The following ABCD2 variants were observed in gnomAD, a reference collection of about 807,000 sequenced individuals.
ABCD2 encodes the protein ATP binding cassette subfamily D member 2.
A neutral mutation model predicts 70.9 loss-of-function variants in ABCD2; 36 were observed. The observed-to-expected ratio is 0.51, with a 90% CI of 0.39 to 0.67. The LOEUF is 0.67. Ranked by LOEUF, ABCD2 falls within the 30% of genes least tolerant of loss-of-function variation. The probability of loss-of-function intolerance (pLI) is 0.00; values close to 1 mark genes in which losing one functional copy is unlikely to be tolerated. For missense variants in ABCD2, 729 were observed against 890.2 expected (o/e 0.82, Z 2.30); for synonymous variants, 304 against 306.9 (o/e 0.99, Z 0.10).
intron 9 of ABCD2, among the ~76,000 whole-genome samples, chr12:39,562,828 A>G (rs1220115316): frequency 7.2e-5 from 11 of 152,172 alleles, no homozygotes; most frequent in Admixed American, 7.2e-4. Flanking sequence ...CATTACCCTG[A>G]TACTGAAACC....
At chr12:39,614,928 A>C (rs1942095885) in intron 2 of ABCD2, among the ~76,000 whole-genome samples, 1 of 152,070 alleles carries the variant, frequency 6.6e-6, no homozygotes, top group African/African-American at 2.4e-5. Context: ...TTTTCTCTAT[A>C]TAAAAATTTT....
intron 8 of ABCD2, 87 bp downstream of exon 8, chr12:39,579,448 A>C: frequency 2.3e-6 from 2 of 888,046 alleles, no homozygotes; most frequent in Non-Finnish European, 3.6e-6. Context: ...GAAGACGATA[A>C]ATCCTGTCCA....
At chr12:39,566,616 G>A (rs995156675) in intron 9 of ABCD2, among the ~76,000 whole-genome samples, 2 of 151,930 alleles carry the variant, frequency 1.3e-5, no homozygotes, top group African/African-American at 4.8e-5. Flanking sequence ...AAGGTTTTTT[G>A]TGTCTCTATT....
chr12:39,534,807 A>AAAG, the ABCD2 span, among the ~76,000 whole-genome samples: 7 of 135,864 alleles, frequency 5.2e-5, no homozygotes, highest in East Asian at 2.2e-4. Context: ...AGAAAGAAAG[A>AAAG]AAAGAAAGGA....
intron 6 of ABCD2, among the ~76,000 whole-genome samples, chr12:39,589,101 A>G (rs1486913437): frequency 6.6e-6 from 1 of 152,160 alleles, no homozygotes; most frequent in Non-Finnish European, 1.5e-5. Context: ...CTGCAACTTG[A>G]TTAAAAAATA....
intron 9 of ABCD2, among the ~76,000 whole-genome samples, chr12:39,564,994 G>A (rs1256600391): frequency 6.6e-6 from 1 of 152,172 alleles, no homozygotes; most frequent in Non-Finnish European, 1.5e-5. Context: ...CTATATCTCT[G>A]TTTTGGTACT....
chr12:39,567,812 G>T (rs1322861516), intron 9 of ABCD2, among the ~76,000 whole-genome samples: 1 of 152,156 alleles, frequency 6.6e-6, no homozygotes, highest in African/African-American at 2.4e-5. Flanking sequence ...CTCTTTTAGG[G>T]CAGGCCTAGT....
At chr12:39,572,811 G>A (rs1369936591) in intron 9 of ABCD2, among the ~76,000 whole-genome samples, 1 of 152,140 alleles carries the variant, frequency 6.6e-6, no homozygotes, top group Non-Finnish European at 1.5e-5. Context: ...GGAATCCTGT[G>A]CAGTCCTTTA....
At chr12:39,612,252 A>G (rs181830674) in intron 2 of ABCD2, among the ~76,000 whole-genome samples, 1 of 152,334 alleles carries the variant, frequency 6.6e-6, no homozygotes, top group East Asian at 1.9e-4. Flanking sequence ...ATGTATATAC[A>G]TACACCAAAA....
At chr12:39,564,572 T>G (rs1377926097) in intron 9 of ABCD2, among the ~76,000 whole-genome samples, 1 of 152,246 alleles carries the variant, frequency 6.6e-6, no homozygotes, top group East Asian at 1.9e-4. Flanking sequence ...TCTCCCATTC[T>G]GTAGGTTGCC....
chr12:39,587,210 C>A (rs1156731612), intron 6 of ABCD2, among the ~76,000 whole-genome samples: 1 of 152,144 alleles, frequency 6.6e-6, no homozygotes, highest in Non-Finnish European at 1.5e-5. Flanking sequence ...AGTACATCCG[C>A]TAAGCAGCTG....
chr12:39,569,834 A>G (rs1032962388), intron 9 of ABCD2, among the ~76,000 whole-genome samples: 4 of 152,182 alleles, frequency 2.6e-5, no homozygotes, highest in Non-Finnish European at 5.9e-5. Flanking sequence ...TTATATATAG[A>G]AAGTACTAAA....
intron 4 of ABCD2, 125 bp downstream of exon 4, chr12:39,604,637 G>T: frequency 1.4e-6 from 1 of 710,430 alleles, no homozygotes; most frequent in Non-Finnish European, 2.2e-6. Context: ...AGGGATTGCT[G>T]TTTAAATAAT....
At chr12:39,542,641 T>C in the ABCD2 span, among the ~76,000 whole-genome samples, 8 of 152,068 alleles carry the variant, frequency 5.3e-5, no homozygotes, top group Admixed American at 3.3e-4. Context: ...TCACAATGAA[T>C]AGGATTTGAT....
At chr12:39,612,795 G>T (rs1942062561) in intron 2 of ABCD2, among the ~76,000 whole-genome samples, 1 of 152,200 alleles carries the variant, frequency 6.6e-6, no homozygotes, top group South Asian at 2.1e-4. Context: ...TAATGCAGCA[G>T]AAACTGAAGC....
rs188561565 is a variant in ABCD2, at chr12:39,570,496, T to C, written c.2003+3220A>G. On this transcript the variant is annotated intron_variant, in intron 9 of 9. Transcript: ENST00000308666. ...AACACACTATTGGGAAAGGGCAGTA[T>C]CCTCAATAAATTGTGGGAAACTGTA... is the stretch of plus-strand genomic sequence containing the variant. Among the ~76,000 whole-genome samples the C allele has an allele frequency of 4.6e-4, 70 of 152,332 alleles. No homozygotes were observed. In the East Asian group the frequency reaches 9.2e-3, roughly 20 times the overall value.
chr12:39,576,384 C>A (rs1941517640), intron 8 of ABCD2, among the ~76,000 whole-genome samples: 3 of 152,026 alleles, frequency 2.0e-5, no homozygotes, highest in African/African-American at 4.8e-5. Context: ...TGGTCTGGAT[C>A]TCCTGTCCTC....
At chr12:39,603,494 T>C (rs1941928430) in intron 5 of ABCD2, among the ~76,000 whole-genome samples, 1 of 152,112 alleles carries the variant, frequency 6.6e-6, no homozygotes. Context: ...GTAATTATTT[T>C]AAAAATTTAA....
At chr12:39,583,639 A>G (rs1348166528) in intron 7 of ABCD2, among the ~76,000 whole-genome samples, 2 of 152,102 alleles carry the variant, frequency 1.3e-5, no homozygotes, top group Non-Finnish European at 2.9e-5. Flanking sequence ...CCAGTACCCA[A>G]TAATTTTCTT....
Sources: allele counts gnomAD v4.1 joint callset (sites outside exome capture counted in the v4.1 genomes callset), GRCh38; gene constraint gnomAD v4.1.1; transcripts MANE v1.5; gene names NCBI Gene and HGNC (gene_info 2026-07-23, HGNC 2026-07-21).